Variants in FHIT observed in about 807,000 individuals in gnomAD.
FHIT encodes bis(5'-adenosyl)-triphosphatase.
Under a neutral mutation model 17.9 loss-of-function variants are expected in FHIT, and 19 were observed. That is an observed-to-expected ratio of 1.06 (90% CI 0.74 to 1.56). The LOEUF is 1.56. Among genes scored for constraint, FHIT ranks in the 40% most tolerant of loss-of-function variants. The pLI, the probability that FHIT is intolerant of heterozygous loss-of-function variation, is 0.00. For missense variants in FHIT, 248 were observed against 189.2 expected (o/e 1.31, Z -1.82); for synonymous variants, 81 against 69.7 (o/e 1.16, Z -0.81).
At chr3:60,177,504 C>T (rs1427692890) in intron 5 of FHIT, among the ~76,000 whole-genome samples, 1 of 152,158 alleles carries the variant, frequency 6.6e-6, no homozygotes, top group Non-Finnish European at 1.5e-5. Context: ...TAACTATAGT[C>T]CCTTCGCATA....
intron 2 of FHIT, among the ~76,000 whole-genome samples, chr3:61,063,561 C>T (rs192132238): frequency 1.3e-5 from 2 of 152,232 alleles, no homozygotes; most frequent in East Asian, 3.9e-4. Context: ...ATGGGCCAGT[C>T]TGACTGTAAG....
At chr3:60,142,423 T>C (rs58617240) in intron 5 of FHIT, among the ~76,000 whole-genome samples, 5,836 of 152,256 alleles carry the variant, frequency 0.038, 386 homozygotes, top group African/African-American at 0.13. Flanking sequence ...TGGTAGTAAA[T>C]TGTTGCTTAA....
intron 5 of FHIT, among the ~76,000 whole-genome samples, chr3:60,226,484 A>AAAAAAAAAAAAAAAAAAAAAC (rs1559742946): frequency 6.6e-6 from 1 of 150,952 alleles, no homozygotes; most frequent in African/African-American, 2.4e-5. Context: ...AAAAAAAAAA[A>AAAAAAAAAAAAAAAAAAAAAC]AAAAAAAAAA....
chr3:60,657,369 T>A (rs941401691), intron 4 of FHIT, among the ~76,000 whole-genome samples: 7 of 152,132 alleles, frequency 4.6e-5, no homozygotes, highest in African/African-American at 9.7e-5. Flanking sequence ...AGAATGCCAA[T>A]AGATCCCCCT....
At chr3:60,166,085 C>A (rs1046776658) in intron 5 of FHIT, among the ~76,000 whole-genome samples, 19 of 151,898 alleles carry the variant, frequency 1.3e-4, no homozygotes, top group African/African-American at 4.6e-4. Flanking sequence ...CTTTTTTCTA[C>A]CTCCAATATT....
intron 5 of FHIT, among the ~76,000 whole-genome samples, chr3:60,500,872 A>G (rs2034499142): frequency 6.6e-6 from 1 of 151,564 alleles, no homozygotes. Context: ...GCCCCTGGTA[A>G]GTACTATACA....
intron 3 of FHIT, among the ~76,000 whole-genome samples, chr3:60,942,252 A>T (rs1443527144): frequency 6.6e-6 from 1 of 152,222 alleles, no homozygotes; most frequent in Admixed American, 6.5e-5. Flanking sequence ...TCATAAAAAT[A>T]TGTTAGCACC....
At chr3:60,843,669 A>C (rs1702819608) in intron 3 of FHIT, among the ~76,000 whole-genome samples, 1 of 85,722 alleles carries the variant, frequency 1.2e-5, no homozygotes, top group African/African-American at 4.4e-5. Flanking sequence ...GCTTCTCCAA[A>C]TATAATTTCT....
intron 5 of FHIT, among the ~76,000 whole-genome samples, chr3:60,141,844 C>G (rs1335970326): frequency 6.6e-6 from 1 of 152,308 alleles, no homozygotes; most frequent in East Asian, 1.9e-4. Flanking sequence ...TTGCGCTAAA[C>G]ATATCTGTAC....
intron 5 of FHIT, among the ~76,000 whole-genome samples, chr3:60,347,803 G>A (rs1430271133): frequency 6.6e-6 from 1 of 151,634 alleles, no homozygotes; most frequent in Non-Finnish European, 1.5e-5. Flanking sequence ...TTGTTGCCCA[G>A]GCTGGAGTGC....
intron 8 of FHIT, among the ~76,000 whole-genome samples, chr3:59,787,141 T>C (rs2106909135): frequency 6.6e-6 from 1 of 152,304 alleles, no homozygotes; most frequent in Non-Finnish European, 1.5e-5. Context: ...ATAAATATTA[T>C]CCTCCTCATT....
chr3:60,723,152 C>T (rs528048637), intron 4 of FHIT, among the ~76,000 whole-genome samples: 1 of 152,276 alleles, frequency 6.6e-6, no homozygotes, highest in Non-Finnish European at 1.5e-5. Flanking sequence ...CAGCACTCTT[C>T]CCACGGCATG....
At chr3:60,806,406 G>A (rs1701389432) in intron 4 of FHIT, among the ~76,000 whole-genome samples, 1 of 152,194 alleles carries the variant, frequency 6.6e-6, no homozygotes, top group African/African-American at 2.4e-5. Flanking sequence ...CGGACCTGCA[G>A]CTTTATGTAG....
intron 5 of FHIT, among the ~76,000 whole-genome samples, chr3:60,376,492 C>T (rs1700568231): frequency 2.0e-5 from 3 of 152,160 alleles, no homozygotes; most frequent in Admixed American, 1.3e-4. Flanking sequence ...CATACATACA[C>T]ACACACATTC....
At chr3:60,174,499 C>G (rs183621476) in intron 5 of FHIT, among the ~76,000 whole-genome samples, 17 of 152,126 alleles carry the variant, frequency 1.1e-4, no homozygotes, top group Admixed American at 7.8e-4. Flanking sequence ...GCCTTTCTAA[C>G]TGGAAAAAAA....
chr3:59,859,296 C>T (rs1268182401), intron 8 of FHIT, among the ~76,000 whole-genome samples: 1 of 152,046 alleles, frequency 6.6e-6, no homozygotes, highest in Non-Finnish European at 1.5e-5. Context: ...GCCAAGATGG[C>T]ATGGAAGAAT....
At chr3:60,023,720 T>A (rs1700634959) in intron 5 of FHIT, among the ~76,000 whole-genome samples, 1 of 152,152 alleles carries the variant, frequency 6.6e-6, no homozygotes, top group South Asian at 2.1e-4. Context: ...TGAAGCCTCC[T>A]TAGAAGAGAG....
chr3:60,958,918 T>C lies in FHIT; in HGVS notation c.-111+83129A>G, dbSNP rs77746312. On this transcript the variant is annotated intron_variant, in intron 3 of 9. Coordinates refer to ENST00000492590, the MANE Select transcript of FHIT (RefSeq NM_002012.4). The stretch of plus-strand genomic sequence containing the variant: ...TTTAGCAATGGAATTATAATCAATG[T>C]AGTAAGGACAGAAAAAGCAAACTAA... Among the ~76,000 whole-genome samples, 1,447 of 152,278 alleles carry C rather than the reference T, an allele frequency of 9.5e-3. 19 individuals are homozygous for C. Among genetic ancestry groups the C allele is most frequent in the African/African-American group, 0.033 (1,361 of 41,530 alleles).
chr3:61,160,184 C>G (rs987970199), intron 2 of FHIT, among the ~76,000 whole-genome samples: 3 of 151,844 alleles, frequency 2.0e-5, no homozygotes, highest in Non-Finnish European at 2.9e-5. Flanking sequence ...CCCCCACCCC[C>G]ACCTCCTTAG....
Sources: gnomAD v4.1 joint callset for allele counts (sites outside exome capture counted in the v4.1 genomes callset) on GRCh38, gnomAD v4.1.1 for gene constraint, MANE v1.5 for transcripts, NCBI Gene and HGNC (gene_info 2026-07-23, HGNC 2026-07-21) for gene names.